Variants in PRR5L observed in about 807,000 individuals in gnomAD.
PRR5L encodes the protein proline-rich protein 5-like.
PRR5L carries 21 observed loss-of-function variants against 36.4 expected under a neutral mutation model. That is an observed-to-expected ratio of 0.58 (90% CI 0.41 to 0.83). The LOEUF is 0.83. Ranked by LOEUF, PRR5L falls within the 40% of genes least tolerant of loss-of-function variation. The pLI, the probability that PRR5L is intolerant of heterozygous loss-of-function variation, is 0.00. For missense variants in PRR5L, 381 were observed against 473.3 expected (o/e 0.80, Z 1.81); for synonymous variants, 188 against 197.0 (o/e 0.95, Z 0.38).
intron 1 of PRR5L, among the ~76,000 whole-genome samples, chr11:36,333,179 C>T (rs116520166): frequency 1.9e-4 from 29 of 152,240 alleles, no homozygotes; most frequent in African/African-American, 7.0e-4. Context: ...ATATAAAAAT[C>T]CAGGTAGCCT....
chr11:36,314,528 A>G (rs1179491517), intron 1 of PRR5L, among the ~76,000 whole-genome samples: 1 of 152,218 alleles, frequency 6.6e-6, no homozygotes, highest in African/African-American at 2.4e-5. Context: ...TTCTCTCCAA[A>G]GTCCCACTTG....
At chr11:36,330,179 T>C (rs534216259) in intron 1 of PRR5L, among the ~76,000 whole-genome samples, 7 of 152,198 alleles carry the variant, frequency 4.6e-5, no homozygotes, top group Non-Finnish European at 1.0e-4. Flanking sequence ...AAGATGAATG[T>C]TTCATTTTTG....
At chr11:36,311,645 G>C (rs1856504184) in intron 1 of PRR5L, among the ~76,000 whole-genome samples, 1 of 152,118 alleles carries the variant, frequency 6.6e-6, no homozygotes, top group African/African-American at 2.4e-5. Flanking sequence ...GGGGTCTTTG[G>C]AAAAAGGTAG....
chr11:36,320,507 G>GAC (rs140953851), intron 1 of PRR5L, among the ~76,000 whole-genome samples: 3,455 of 151,976 alleles, frequency 0.023, 80 homozygotes, highest in East Asian at 0.099. Context: ...TAATCTCTGA[G>GAC]ACGACGCTCT....
intron 1 of PRR5L, among the ~76,000 whole-genome samples, chr11:36,298,591 G>A (rs1310671707): frequency 6.6e-6 from 1 of 152,198 alleles, no homozygotes; most frequent in Non-Finnish European, 1.5e-5. Context: ...AGGTGGTAAT[G>A]TGAATGATTG....
intron 1 of PRR5L, among the ~76,000 whole-genome samples, chr11:36,382,545 G>A (rs1227443020): frequency 6.6e-6 from 1 of 152,186 alleles, no homozygotes; most frequent in African/African-American, 2.4e-5. Context: ...TGTCTAAGAA[G>A]CTCCCAGGCA....
rs775488850 is a variant in PRR5L, at chr11:36,462,525, T to A, written c.896T>A (p.Ile299Asn). The A allele has an allele frequency of 1.2e-6, 2 of 1,608,586 alleles. No individual in the cohort carries two copies. The highest frequency in any genetic ancestry group is 1.7e-6 in the Non-Finnish European group (2 of 1,177,056). ...RHTVANAHSD[I>N]QLLAMATMMH... ...ACGGTGGCCAATGCCCACTCGGACA[T>A]CCAGCTGCTGGCCATGGCCACCATG... The change falls in exon 9 of 9, where the codon ATC (isoleucine) becomes AAC (asparagine). Residue 299 changes from isoleucine (I) to asparagine (N), a missense_variant. By Grantham distance (149) the Ile-to-Asn change is moderately radical (BLOSUM62 -3). Coordinates refer to ENST00000530639, the MANE Select transcript of PRR5L (RefSeq NM_001160167.2).
At chr11:36,389,314 C>T (rs1320256875) in intron 1 of PRR5L, among the ~76,000 whole-genome samples, 1 of 152,194 alleles carries the variant, frequency 6.6e-6, no homozygotes, top group South Asian at 2.1e-4. Context: ...CCCCACCACC[C>T]ATCACCTTGC....
At chr11:36,372,107 G>A (rs543880832) in intron 1 of PRR5L, among the ~76,000 whole-genome samples, 1 of 152,238 alleles carries the variant, frequency 6.6e-6, no homozygotes, top group Non-Finnish European at 1.5e-5. Flanking sequence ...ATGCGATAAT[G>A]CGTAAATTGA....
At chr11:36,389,614 A>ATTTTTT (rs368918273) in intron 1 of PRR5L, among the ~76,000 whole-genome samples, 4,945 of 134,810 alleles carry the variant, frequency 0.037, 350 homozygotes, top group African/African-American at 0.13. Flanking sequence ...AGCCCCATGT[A>ATTTTTT]TTTTTTTTTT....
intron 1 of PRR5L, among the ~76,000 whole-genome samples, chr11:36,363,606 G>A (rs11033574): frequency 0.021 from 3,134 of 152,306 alleles, 62 homozygotes; most frequent in East Asian, 0.084. Context: ...TTCCTGCAAG[G>A]AGTGGAGGAA....
In PRR5L at chr11:36,464,799, CTGA is replaced by C. The variant is rs1318711625; in HGVS notation, c.*2067_*2069del. The C allele has an allele frequency of 6.6e-6, 1 of 152,158 alleles. No individual in the cohort carries two copies. Among genetic ancestry groups the C allele is most frequent in the Non-Finnish European group, 1.5e-5 (1 of 68,026 alleles). 9.4% of individuals were successfully genotyped at this position (152,158 alleles called of 1,614,324 possible). A position where few individuals can be genotyped will look rare whatever the true frequency, so the allele number is the denominator to read the frequency against. On this transcript the variant is annotated 3_prime_UTR_variant, in exon 9 of 9. Transcript: ENST00000530639. ...TGCCTTTTCCATATCTTAAATGTCC[CTGA>C]TGAGGAGAGCAGTCATCAATTAAAT...
chr11:36,441,151 C>G (rs1858714709), intron 6 of PRR5L, among the ~76,000 whole-genome samples: 1 of 152,220 alleles, frequency 6.6e-6, no homozygotes, highest in Admixed American at 6.5e-5. Flanking sequence ...TACAATCATT[C>G]CTGCCCAATA....
At chr11:36,390,895 C>G (rs904625832) in intron 1 of PRR5L, among the ~76,000 whole-genome samples, 11 of 152,176 alleles carry the variant, frequency 7.2e-5, no homozygotes, top group African/African-American at 2.2e-4. Context: ...ACCATTCTGA[C>G]TGCAATTAGA....
At chr11:36,419,058 T>C (rs920456388) in intron 3 of PRR5L, among the ~76,000 whole-genome samples, 197 bp from the exon 4 acceptor site, 1 of 152,130 alleles carries the variant, frequency 6.6e-6, no homozygotes, top group African/African-American at 2.4e-5. Context: ...CAGAGTGAAC[T>C]GAGGAACGCA....
intron 6 of PRR5L, 109 bp from the exon 7 acceptor site, chr11:36,446,191 C>T: frequency 8.0e-7 from 1 of 1,249,426 alleles, no homozygotes; most frequent in Non-Finnish European, 1.1e-6. Context: ...GCAGACGCCT[C>T]ATCCCATCTT....
chr11:36,405,968 A>G (rs1398349583), intron 3 of PRR5L, among the ~76,000 whole-genome samples: 4 of 152,130 alleles, frequency 2.6e-5, no homozygotes. Flanking sequence ...TCCAAATCCC[A>G]TCAAATTGGG....
At chr11:36,346,039 A>G (rs1035784275) in intron 1 of PRR5L, among the ~76,000 whole-genome samples, 9 of 151,926 alleles carry the variant, frequency 5.9e-5, no homozygotes, top group Non-Finnish European at 8.8e-5. Context: ...CATTATACTC[A>G]GTTTCTTTTG....
intron 8 of PRR5L, chr11:36,455,498 G>A (rs1450304759): frequency 6.5e-6 from 1 of 153,036 alleles, no homozygotes; most frequent in African/African-American, 2.4e-5. Flanking sequence ...GTGTGAAAGG[G>A]AAGAGGAGGA....
Sources: allele counts gnomAD v4.1 joint callset (sites outside exome capture counted in the v4.1 genomes callset), GRCh38; gene constraint gnomAD v4.1.1; transcripts MANE v1.5; gene names NCBI Gene and HGNC (gene_info 2026-07-23, HGNC 2026-07-21).